The following COL25A1 variants were observed in gnomAD, a reference collection of about 807,000 sequenced individuals.
COL25A1 encodes collagen type XXV alpha 1 chain.
In COL25A1, 103 loss-of-function variants were observed where a neutral mutation model predicts 128.4. The observed-to-expected ratio is 0.80, with a 90% confidence interval of 0.68 to 0.94. The LOEUF is 0.94. COL25A1 is among the 40% of genes least tolerant of loss of function. The pLI, the probability that COL25A1 is intolerant of heterozygous loss-of-function variation, is 0.00. For missense variants in COL25A1, 745 were observed against 840.0 expected, an observed-to-expected ratio of 0.89 and a Z score of 1.40; for synonymous variants, 279 against 277.2, an observed-to-expected ratio of 1.01 and a Z score of -0.06.
intron 31 of COL25A1, among the ~76,000 whole-genome samples, chr4:108,836,010 T>C (rs1406889586): frequency 2.0e-5 from 3 of 151,514 alleles, no homozygotes; most frequent in Admixed American, 1.3e-4. Context: ...TAGCTGGGAC[T>C]ACAGGCACCC....
intron 31 of COL25A1, 115 bp from the exon 32 acceptor site, chr4:108,832,548 C>T (rs1733259169): frequency 4.5e-6 from 3 of 665,562 alleles, no homozygotes; most frequent in Admixed American, 6.3e-5. Context: ...GACAACTCAT[C>T]TCCTTTCAAA....
At chr4:109,189,734 A>AT (rs1345832319) in intron 3 of COL25A1, among the ~76,000 whole-genome samples, 1 of 152,056 alleles carries the variant, frequency 6.6e-6, no homozygotes, top group African/African-American at 2.4e-5. Context: ...TTATTTAAAA[A>AT]TTTTACTAAT....
intron 3 of COL25A1, among the ~76,000 whole-genome samples, chr4:109,263,110 C>T (rs1262863826): frequency 6.7e-6 from 1 of 150,154 alleles, no homozygotes; most frequent in Non-Finnish European, 1.5e-5. Context: ...GCCTGGGCGA[C>T]AGAGCAAGAC....
chr4:109,116,651 G>A (rs1232168624), intron 3 of COL25A1, among the ~76,000 whole-genome samples: 1 of 152,010 alleles, frequency 6.6e-6, no homozygotes, highest in African/African-American at 2.4e-5. Context: ...TGGTGTCAGA[G>A]ACTGAACAAG....
chr4:108,981,451 G>A (rs1752963568), intron 6 of COL25A1, among the ~76,000 whole-genome samples: 1 of 152,124 alleles, frequency 6.6e-6, no homozygotes, highest in Non-Finnish European at 1.5e-5. Flanking sequence ...AAAAACTGAT[G>A]TAAAATCATA....
intron 3 of COL25A1, among the ~76,000 whole-genome samples, chr4:109,254,874 T>G (rs868597116): frequency 3.3e-4 from 50 of 152,228 alleles, no homozygotes; most frequent in African/African-American, 1.2e-3. Flanking sequence ...TCTCTAGATA[T>G]CTCTCCAAAA....
chr4:109,033,188 A>G (rs924776709), intron 5 of COL25A1, among the ~76,000 whole-genome samples: 18 of 152,274 alleles, frequency 1.2e-4, no homozygotes, highest in Non-Finnish European at 8.8e-5. Context: ...CACACACAAC[A>G]CATGTACAGA....
At chr4:108,864,826 G>A (rs1035166583) in intron 20 of COL25A1, among the ~76,000 whole-genome samples, 3 of 152,158 alleles carry the variant, frequency 2.0e-5, no homozygotes, top group African/African-American at 7.2e-5. Flanking sequence ...TTAATCCTCA[G>A]GACAAATGAG....
chr4:108,985,235 C>T (rs1310748275), intron 6 of COL25A1, among the ~76,000 whole-genome samples: 1 of 152,198 alleles, frequency 6.6e-6, no homozygotes, highest in African/African-American at 2.4e-5. Flanking sequence ...TGTACCTACC[C>T]ACTTCTGTGC....
chr4:108,903,406 T>C (rs771026169), intron 13 of COL25A1, among the ~76,000 whole-genome samples: 1 of 152,026 alleles, frequency 6.6e-6, no homozygotes, highest in African/African-American at 2.4e-5. Flanking sequence ...TATACGCACA[T>C]TTGTTTTCAC....
At chr4:108,823,541 T>A (rs972097442) in intron 35 of COL25A1, among the ~76,000 whole-genome samples, 126 of 152,320 alleles carry the variant, frequency 8.3e-4, no homozygotes, top group African/African-American at 3.0e-3. Flanking sequence ...CCATATTGCC[T>A]GACATGGGCT....
intron 11 of COL25A1, among the ~76,000 whole-genome samples, chr4:108,930,025 C>T (rs1221444772): frequency 1.3e-5 from 2 of 152,100 alleles, no homozygotes; most frequent in Non-Finnish European, 2.9e-5. Context: ...TATTATTAAA[C>T]ACACTAAGTA....
chr4:109,210,089 G>C (rs1777375513), intron 3 of COL25A1, among the ~76,000 whole-genome samples: 1 of 151,530 alleles, frequency 6.6e-6, no homozygotes, highest in African/African-American at 2.4e-5. Flanking sequence ...TCAGTATATG[G>C]TTCTTGTTAG....
intron 31 of COL25A1, among the ~76,000 whole-genome samples, chr4:108,832,848 A>G (rs1056413568): frequency 1.3e-5 from 2 of 151,988 alleles, no homozygotes; most frequent in African/African-American, 4.8e-5. Context: ...TAAAAACACA[A>G]AAATTAGCTG....
intron 3 of COL25A1, among the ~76,000 whole-genome samples, chr4:109,183,923 C>CAAA (rs34164987): frequency 3.8e-4 from 40 of 105,540 alleles, no homozygotes; most frequent in East Asian, 1.4e-3. Context: ...ACACCAACTT[C>CAAA]AAAAAAAAAA....
intron 3 of COL25A1, among the ~76,000 whole-genome samples, chr4:109,276,558 G>T (rs1012480152): frequency 2.6e-5 from 4 of 152,142 alleles, no homozygotes; most frequent in African/African-American, 9.7e-5. Context: ...GCAGAAGAGA[G>T]CACCACCTTG....
At chr4:109,191,533 A>G (rs752563058) in intron 3 of COL25A1, among the ~76,000 whole-genome samples, 1 of 152,106 alleles carries the variant, frequency 6.6e-6, no homozygotes, top group Non-Finnish European at 1.5e-5. Context: ...GCCAACCACC[A>G]TCAGCTTTGA....
intron 3 of COL25A1, among the ~76,000 whole-genome samples, chr4:109,111,584 A>G (rs1767027728): frequency 6.6e-6 from 1 of 152,154 alleles, no homozygotes; most frequent in Non-Finnish European, 1.5e-5. Context: ...CTTCTGGTCT[A>G]GATATGGCCT....
At chr4:108,960,163 T>C (rs1750524615) in intron 8 of COL25A1, among the ~76,000 whole-genome samples, 1 of 148,842 alleles carries the variant, frequency 6.7e-6, no homozygotes. Flanking sequence ...AATGAAATAA[T>C]GTGTGTAGTG....
Sources: allele counts gnomAD v4.1 joint callset (sites outside exome capture counted in the v4.1 genomes callset), GRCh38; gene constraint gnomAD v4.1.1; transcripts MANE v1.5; gene names NCBI Gene and HGNC (gene_info 2026-07-23, HGNC 2026-07-21).